The following PDE5A variants were observed in gnomAD, a reference collection of about 807,000 sequenced individuals.
PDE5A encodes the protein cGMP-specific 3',5'-cyclic phosphodiesterase.
PDE5A carries 67 observed loss-of-function variants against 110.2 expected under a neutral mutation model. The ratio of observed to expected loss-of-function variants is 0.61; its 90% CI spans 0.50 to 0.75. The LOEUF is 0.75. Among genes scored for constraint, PDE5A ranks in the 30% least tolerant of loss-of-function variants. The probability of loss-of-function intolerance (pLI) is 0.00; values close to 1 mark genes in which losing one functional copy is unlikely to be tolerated. For missense variants in PDE5A, 862 were observed against 1,045.1 expected (o/e 0.82, Z 2.42); for synonymous variants, 328 against 351.2 (o/e 0.93, Z 0.74).
chr4:119,531,511 C>T (rs914089036), intron 11 of PDE5A, among the ~76,000 whole-genome samples: 1 of 152,140 alleles, frequency 6.6e-6, no homozygotes, highest in Admixed American at 6.5e-5. Flanking sequence ...CTCCTGAGCT[C>T]AAGGATCTGT....
In PDE5A at chr4:119,496,103, A is replaced by T. The variant is rs1290172937; in HGVS notation, c.*2498T>A. ...TCTACTGAAAAATATAAGGCCAGGC[A>T]ATTATATAGATATCTTTTAACAAGT... is the stretch of plus-strand genomic sequence containing the variant. On this transcript the variant is annotated 3_prime_UTR_variant, in exon 21 of 21. Coordinates refer to ENST00000354960, the MANE Select transcript of PDE5A (RefSeq NM_001083.4). 6.6e-6 allele frequency: 1 copy of T among 152,158 alleles called. No individual in the cohort carries two copies. Among genetic ancestry groups the T allele is most frequent in the African/African-American group, 2.4e-5 (1 of 41,454 alleles). 9.4% of individuals were successfully genotyped at this position (152,158 alleles called of 1,614,324 possible).
At chr4:119,564,893 G>A (rs1341422538) in intron 5 of PDE5A, among the ~76,000 whole-genome samples, 2 of 152,000 alleles carry the variant, frequency 1.3e-5, no homozygotes, top group African/African-American at 2.4e-5. Context: ...GCTAAGGAGC[G>A]GTAGTTGGGA....
intron 2 of PDE5A, among the ~76,000 whole-genome samples, chr4:119,597,717 A>G (rs1327639855): frequency 6.6e-6 from 1 of 152,100 alleles, no homozygotes; most frequent in Non-Finnish European, 1.5e-5. Context: ...TTTGAAGGTC[A>G]TTTCTTTTTA....
intron 13 of PDE5A, 89 bp from the exon 14 acceptor site, chr4:119,519,228 TC>T: frequency 1.1e-6 from 1 of 928,154 alleles, no homozygotes; most frequent in South Asian, 1.4e-5. Flanking sequence ...ATCTTTTTTT[TC>T]CCCTCAGTGC....
chr4:119,509,419 A>T (rs911033197), intron 15 of PDE5A, among the ~76,000 whole-genome samples: 3 of 152,066 alleles, frequency 2.0e-5, no homozygotes, highest in African/African-American at 7.2e-5. Context: ...AAAGAAGAGC[A>T]AGCTACCAAG....
chr4:119,579,293 A>G (rs1384866443), intron 3 of PDE5A, among the ~76,000 whole-genome samples: 3 of 152,280 alleles, frequency 2.0e-5, no homozygotes, highest in East Asian at 1.9e-4. Flanking sequence ...ATTCCTCAGG[A>G]ATCTAGAACT....
intron 3 of PDE5A, among the ~76,000 whole-genome samples, chr4:119,578,135 G>A (rs1319248144): frequency 6.6e-6 from 1 of 152,112 alleles, no homozygotes; most frequent in Non-Finnish European, 1.5e-5. Context: ...TACAAGGGAT[G>A]TGAAGGACCT....
rs777484262 is a variant in PDE5A, at chr4:119,628,524, T to G, written c.148A>C (p.Thr50Pro). 6.3e-7 allele frequency: 1 copy of G among 1,575,532 alleles called. No homozygotes were observed. The highest frequency in any genetic ancestry group is 2.3e-5 in the East Asian group (1 of 44,234). The change falls in exon 1 of 21, where the codon ACC becomes CCC. Residue 50 changes from threonine to proline, a missense_variant. Physicochemically the swap from Thr to Pro is conservative, Grantham distance 38 (BLOSUM62 -1). Transcript: ENST00000354960. ...TTCCGTGGGTCCTCTTCTTACCTGG[T>G]GGCTTTTCTAACAAAGTATGAGAAG... ...FTFSYFVRKA[T>P]REMVNAWFAE...
chr4:119,622,174 A>ATCTC (rs1491317135), intron 1 of PDE5A, among the ~76,000 whole-genome samples: 2 of 1,680 alleles, frequency 1.2e-3, no homozygotes, highest in East Asian at 0.071. Flanking sequence ...ACTCCATCTC[A>ATCTC]AAAAAAAAAA....
intron 11 of PDE5A, among the ~76,000 whole-genome samples, chr4:119,538,156 T>G (rs567230648): frequency 6.6e-6 from 1 of 151,994 alleles, no homozygotes; most frequent in Middle Eastern, 3.2e-3. Flanking sequence ...CTTCATAACA[T>G]AGTTATGAAG....
chr4:119,595,702 C>A (rs1455081835), intron 3 of PDE5A, among the ~76,000 whole-genome samples: 1 of 152,246 alleles, frequency 6.6e-6, no homozygotes, highest in East Asian at 1.9e-4. Context: ...CAGCCTCAGA[C>A]TGAATTACAC....
At chr4:119,568,268 T>C (rs778477033) in intron 3 of PDE5A, among the ~76,000 whole-genome samples, 1 of 152,142 alleles carries the variant, frequency 6.6e-6, no homozygotes, top group African/African-American at 2.4e-5. Flanking sequence ...CTTTAGCTCT[T>C]GAAAAGAGTG....
At chr4:119,621,200 GT>G (rs1381578052) in intron 1 of PDE5A, among the ~76,000 whole-genome samples, 2 of 152,200 alleles carry the variant, frequency 1.3e-5, no homozygotes, top group Non-Finnish European at 2.9e-5. Context: ...GTCAACACTA[GT>G]TATGGTAGAC....
intron 12 of PDE5A, among the ~76,000 whole-genome samples, chr4:119,523,911 T>C (rs1726215729): frequency 6.6e-6 from 1 of 152,012 alleles, no homozygotes; most frequent in Admixed American, 6.6e-5. Context: ...GAAGCAGAAG[T>C]GAGATTCACA....
At chr4:119,572,162 C>T (rs946788711) in intron 3 of PDE5A, among the ~76,000 whole-genome samples, 8 of 152,166 alleles carry the variant, frequency 5.3e-5, no homozygotes, top group Admixed American at 1.3e-4. Context: ...ACGCCCTATA[C>T]GAGGCAGGGT....
At chr4:119,536,910 T>C (rs1726744202) in intron 11 of PDE5A, among the ~76,000 whole-genome samples, 1 of 152,154 alleles carries the variant, frequency 6.6e-6, no homozygotes, top group Non-Finnish European at 1.5e-5. Flanking sequence ...ATGCTAACAA[T>C]ACTGATCATT....
At chr4:119,515,414 A>G (rs966576887) in intron 14 of PDE5A, among the ~76,000 whole-genome samples, 3 of 152,100 alleles carry the variant, frequency 2.0e-5, no homozygotes, top group African/African-American at 7.2e-5. Flanking sequence ...ACAAATATAC[A>G]GTGTGACTGT....
At chr4:119,599,042 C>T (rs866973520) in intron 2 of PDE5A, among the ~76,000 whole-genome samples, 3 of 152,026 alleles carry the variant, frequency 2.0e-5, no homozygotes, top group South Asian at 2.1e-4. Context: ...CATTCAGCAG[C>T]GCAGGCATTG....
At chr4:119,560,600 A>G (rs1371655397) in intron 6 of PDE5A, among the ~76,000 whole-genome samples, 1 of 152,196 alleles carries the variant, frequency 6.6e-6, no homozygotes, top group African/African-American at 2.4e-5. Flanking sequence ...TGGAAGAATG[A>G]TTATATGAGG....
Sources: allele counts gnomAD v4.1 joint callset (sites outside exome capture counted in the v4.1 genomes callset), GRCh38; gene constraint gnomAD v4.1.1; transcripts MANE v1.5; gene names NCBI Gene and HGNC (gene_info 2026-07-23, HGNC 2026-07-21).